ACCSL: variants seen among roughly 807,000 people sequenced by gnomAD.
ACCSL encodes the protein 1-aminocyclopropane-1-carboxylate synthase homolog (inactive) like, also known as probable inactive 1-aminocyclopropane-1-carboxylate synthase-like protein 2.
Under a neutral mutation model 61.7 loss-of-function variants are expected in ACCSL, and 55 were observed. The observed-to-expected ratio is 0.89, with a 90% CI of 0.72 to 1.12. ACCSL has a LOEUF of 1.12. Ranked by LOEUF, ACCSL falls within the 50% of genes most tolerant of loss-of-function variation. The pLI is 0.00. For synonymous variants in ACCSL, 258 were observed against 264.3 expected (o/e 0.98, Z 0.23); for missense variants, 632 against 698.0 (o/e 0.91, Z 1.07).
chr11:43,976,228 G>A, the ACCSL span, among the ~76,000 whole-genome samples: 2 of 152,172 alleles, frequency 1.3e-5, no homozygotes, highest in Non-Finnish European at 2.9e-5. Context: ...TTGGGAGGAA[G>A]TAAGTTTATC....
the ACCSL span, among the ~76,000 whole-genome samples, chr11:43,934,640 G>A: frequency 6.6e-6 from 1 of 152,160 alleles, no homozygotes; most frequent in African/African-American, 2.4e-5. Flanking sequence ...GCGGGGGATG[G>A]CCAGTTGCCC....
At chr11:44,032,016 G>T in the ACCSL span, among the ~76,000 whole-genome samples, 1 of 152,202 alleles carries the variant, frequency 6.6e-6, no homozygotes, top group African/African-American at 2.4e-5. Context: ...GATTATCATA[G>T]TATCTGGGTC....
Position 44,048,004 on chromosome 11 carries a change from CA to C in ACCSL, c.-32del. 6.3e-7 allele frequency: 1 copy of C among 1,586,914 alleles called. No homozygotes were observed. The highest frequency in any genetic ancestry group is 8.6e-7 in the Non-Finnish European group (1 of 1,162,336). On this transcript the variant is annotated 5_prime_UTR_variant, in exon 1 of 14. Coordinates refer to ENST00000378832, the MANE Select transcript of ACCSL (RefSeq NM_001031854.2). ...GGTCTCTTTCTCCATAGGTGCCAGG[CA>C]GCCTTCAGAGGCCAGTAAAGATACC...
the ACCSL span, among the ~76,000 whole-genome samples, chr11:44,009,927 G>T: frequency 1.3e-5 from 2 of 152,172 alleles, no homozygotes; most frequent in African/African-American, 2.4e-5. Context: ...TTCTCCTGGG[G>T]ATAAAGTCTT....
At chr11:44,010,799 A>G in the ACCSL span, among the ~76,000 whole-genome samples, 2 of 152,330 alleles carry the variant, frequency 1.3e-5, no homozygotes, top group African/African-American at 4.8e-5. Flanking sequence ...GAGAAATGGA[A>G]GCAGGAGCAA....
chr11:44,020,129 G>T, the ACCSL span, among the ~76,000 whole-genome samples: 1 of 152,046 alleles, frequency 6.6e-6, no homozygotes, highest in Admixed American at 6.5e-5. Context: ...CCTTATTCTA[G>T]TACCATATGG....
intron 7 of ACCSL, 51 bp downstream of exon 7, chr11:44,053,119 GT>G: frequency 1.3e-6 from 2 of 1,519,724 alleles, no homozygotes; most frequent in Non-Finnish European, 1.8e-6. Context: ...CCTAAAAGGG[GT>G]TTGAGTATTG....
At chr11:43,953,355 C>T in the ACCSL span, among the ~76,000 whole-genome samples, 32 of 151,780 alleles carry the variant, frequency 2.1e-4, no homozygotes, top group African/African-American at 7.5e-4. Flanking sequence ...AACCCCATCT[C>T]TACTAAAAAT....
chr11:43,968,949 G>A, the ACCSL span, among the ~76,000 whole-genome samples: 1 of 152,110 alleles, frequency 6.6e-6, no homozygotes, highest in African/African-American at 2.4e-5. Flanking sequence ...CAGGTCAAAG[G>A]CCCCTTCCTG....
chr11:43,950,786 T>G, the ACCSL span, among the ~76,000 whole-genome samples: 1 of 152,120 alleles, frequency 6.6e-6, no homozygotes. Flanking sequence ...GAGTCAGGAG[T>G]GATCACCTTG....
the ACCSL span, chr11:43,942,954 C>A: frequency 1.4e-6 from 2 of 1,475,642 alleles, no homozygotes; most frequent in African/African-American, 1.5e-5. Flanking sequence ...AGTTACCAGG[C>A]GGTGATGCCG....
the ACCSL span, among the ~76,000 whole-genome samples, chr11:43,985,024 T>A: frequency 6.6e-6 from 1 of 152,136 alleles, no homozygotes. Flanking sequence ...CCAGGGACCT[T>A]CGAGTTGGAG....
chr11:44,055,201 G>A lies in ACCSL; in HGVS notation c.1050-1G>A. On this transcript the variant is annotated splice_acceptor_variant, in intron 8 of 13. Transcript: ENST00000378832. LOFTEE classifies it high-confidence loss of function. ...TTCTCCTTCTTTCATCTAATCTACA[G>A]GTATAACCTACATGTGATCATAGAT... The A allele has an allele frequency of 6.3e-7, 1 of 1,592,258 alleles. No homozygotes were observed. Among genetic ancestry groups the A allele is most frequent in the Non-Finnish European group, 8.6e-7 (1 of 1,161,488 alleles).
At chr11:44,025,300 C>G in the ACCSL span, among the ~76,000 whole-genome samples, 1 of 151,832 alleles carries the variant, frequency 6.6e-6, no homozygotes, top group Non-Finnish European at 1.5e-5. Flanking sequence ...ATAATTTTAA[C>G]TTGCTTCTTG....
At chr11:44,056,845 A>C (rs1325136728) in intron 11 of ACCSL, among the ~76,000 whole-genome samples, 2 of 152,172 alleles carry the variant, frequency 1.3e-5, no homozygotes, top group African/African-American at 2.4e-5. Context: ...AAACAAAAAC[A>C]AAAAACTACA....
chr11:44,053,200 C>T, intron 7 of ACCSL, 132 bp downstream of exon 7: 2 of 883,180 alleles, frequency 2.3e-6, no homozygotes, highest in Non-Finnish European at 1.8e-6. Flanking sequence ...GTAAATGATC[C>T]AGGGGTGTGT....
chr11:43,926,536 G>GC, the ACCSL span: 1 of 455,284 alleles, frequency 2.2e-6, no homozygotes, highest in Non-Finnish European at 4.4e-6. Flanking sequence ...CAGAGATTGT[G>GC]GGTCAGATGC....
At chr11:43,973,478 C>A in the ACCSL span, among the ~76,000 whole-genome samples, 1 of 151,696 alleles carries the variant, frequency 6.6e-6, no homozygotes, top group Non-Finnish European at 1.5e-5. Context: ...GAAAAGAAAC[C>A]TTAGTACATG....
At chr11:44,052,295 C>T (rs546972784) in intron 5 of ACCSL, among the ~76,000 whole-genome samples, 74 of 152,340 alleles carry the variant, frequency 4.9e-4, no homozygotes, top group Non-Finnish European at 9.3e-4. Flanking sequence ...TGGAGCCCTC[C>T]TTGTGCATGG....
Sources: allele counts gnomAD v4.1 joint callset (sites outside exome capture counted in the v4.1 genomes callset), GRCh38; gene constraint gnomAD v4.1.1; transcripts MANE v1.5; gene names NCBI Gene and HGNC (gene_info 2026-07-23, HGNC 2026-07-21).